Variants in ITPR1 observed in about 807,000 individuals in gnomAD.
ITPR1 encodes the protein inositol 1,4,5-trisphosphate-gated calcium channel ITPR1.
Under a neutral mutation model 318.4 loss-of-function variants are expected in ITPR1, and 96 were observed. That is an observed-to-expected ratio of 0.30 (90% CI 0.26 to 0.36). The LOEUF is 0.36. Ranked by LOEUF, ITPR1 falls within the 10% of genes least tolerant of loss-of-function variation. The pLI is 1.00. For missense variants in ITPR1, 2,440 were observed against 3,460.2 expected (o/e 0.71, Z 7.40); for synonymous variants, 1,312 against 1,289.9 (o/e 1.02, Z -0.37).
At chr3:4,708,986 G>A (rs142521644) in intron 37 of ITPR1, among the ~76,000 whole-genome samples, 141 of 152,278 alleles carry the variant, frequency 9.3e-4, no homozygotes, top group African/African-American at 3.2e-3. Context: ...CAATTGCAAT[G>A]TAAAGTTCAA....
intron 44 of ITPR1, among the ~76,000 whole-genome samples, chr3:4,754,052 G>C (rs1466009605): frequency 3.0e-5 from 4 of 131,984 alleles, no homozygotes; most frequent in East Asian, 2.1e-4. Flanking sequence ...AGAAAATGGG[G>C]GGGGGGTGGC....
intron 60 of ITPR1, chr3:4,825,657 G>C: frequency 2.2e-6 from 1 of 450,812 alleles, no homozygotes. Flanking sequence ...AGAAAGCAAC[G>C]TGTTAACAAG....
chr3:4,547,907 CT>C (rs2085183152), intron 4 of ITPR1, among the ~76,000 whole-genome samples: 1 of 152,042 alleles, frequency 6.6e-6, no homozygotes, highest in Non-Finnish European at 1.5e-5. Flanking sequence ...TTTTTTCACT[CT>C]GTTAAATTCA....
intron 5 of ITPR1, among the ~76,000 whole-genome samples, chr3:4,639,138 C>A (rs2093275886): frequency 6.6e-6 from 1 of 152,108 alleles, no homozygotes; most frequent in Non-Finnish European, 1.5e-5. Flanking sequence ...AAGCAAATAC[C>A]CATGAATTCC....
chr3:4,806,184 G>A lies in ITPR1; in HGVS notation c.7189G>A (p.Asp2397Asn). ...FTRGYRAMVL[D>N]VEFLYHLLYL... ...AAGAGGCTACCGAGCCATGGTTCTG[G>A]ATGTTGAGTTCCTCTATCATTTGTT... The change falls in exon 55 of 62, where the codon GAT (aspartate) becomes AAT (asparagine). Residue 2397 changes from aspartate to asparagine, a missense_variant. Physicochemically the swap from Asp to Asn is conservative, Grantham distance 23. This residue lies in a region of ITPR1 where 126 missense variants were observed against 150.8 expected (regional missense o/e 0.84). Transcript: ENST00000649015. The A allele has an allele frequency of 6.2e-7, 1 of 1,613,970 alleles. No individual in the cohort carries two copies. The highest frequency in any genetic ancestry group is 1.3e-5 in the African/African-American group (1 of 75,076).
At chr3:4,584,547 G>A (rs1402374951) in intron 4 of ITPR1, among the ~76,000 whole-genome samples, 1 of 112,562 alleles carries the variant, frequency 8.9e-6, no homozygotes, top group Non-Finnish European at 1.8e-5. Context: ...TCTTTGCCCA[G>A]AGAGTTAGTG....
intron 43 of ITPR1, among the ~76,000 whole-genome samples, chr3:4,734,015 G>A (rs1384926357): frequency 6.6e-6 from 1 of 152,240 alleles, no homozygotes; most frequent in African/African-American, 2.4e-5. Context: ...TGGGTTCCAT[G>A]TATAGCACAG....
intron 44 of ITPR1, among the ~76,000 whole-genome samples, chr3:4,761,958 A>G (rs895494233): frequency 2.0e-5 from 3 of 152,190 alleles, no homozygotes; most frequent in Non-Finnish European, 4.4e-5. Flanking sequence ...CAGAGGGGGC[A>G]GGTGAATGCC....
chr3:4,527,270 G>C (rs530729151), intron 4 of ITPR1, among the ~76,000 whole-genome samples: 11 of 152,254 alleles, frequency 7.2e-5, no homozygotes, highest in African/African-American at 2.6e-4. Flanking sequence ...TCGACCTTCT[G>C]GGTTCAAACC....
chr3:4,774,236 A>AT (rs2046351988), intron 46 of ITPR1, among the ~76,000 whole-genome samples: 1 of 152,258 alleles, frequency 6.6e-6, no homozygotes, highest in South Asian at 2.1e-4. Flanking sequence ...AATTTATAAT[A>AT]TTAAATGATG....
intron 4 of ITPR1, among the ~76,000 whole-genome samples, chr3:4,527,720 A>G (rs1208391371): frequency 1.3e-5 from 2 of 152,162 alleles, no homozygotes; most frequent in African/African-American, 2.4e-5. Context: ...GGAGAAGAGT[A>G]TGTTGCTTGG....
At position 4,717,497 on chromosome 3, in the gene ITPR1, G is replaced by T. The variant is rs969921090; in HGVS notation, c.5136+98G>T. 8 of 975,820 alleles carry T rather than the reference G, an allele frequency of 8.2e-6. No homozygotes were observed. The East Asian group carries it at 1.7e-4, about 20-fold the overall frequency. The allele number at this position is 975,820 out of a possible 1,614,324, so 60.4% of individuals were successfully genotyped here. On this transcript the variant is annotated intron_variant, in intron 40 of 61. Transcript: ENST00000649015. ...GTGATCCTTCCTCTAGTCTCACAGC[G>T]TCGAGTATCTGGCTTTGTGTGGTGT... is the stretch of plus-strand genomic sequence containing the variant.
At chr3:4,798,896 C>T (rs1426073487) in intron 53 of ITPR1, among the ~76,000 whole-genome samples, 1 of 152,188 alleles carries the variant, frequency 6.6e-6, no homozygotes. Flanking sequence ...GCTATAGGGA[C>T]TGACACTATT....
chr3:4,595,449 AC>A (rs2090731486), intron 4 of ITPR1, among the ~76,000 whole-genome samples: 1 of 152,142 alleles, frequency 6.6e-6, no homozygotes, highest in Non-Finnish European at 1.5e-5. Flanking sequence ...TGAAGGATCC[AC>A]CCCTGTGATC....
At chr3:4,842,996 G>A (rs918299348) in intron 61 of ITPR1, among the ~76,000 whole-genome samples, 1 of 151,728 alleles carries the variant, frequency 6.6e-6, no homozygotes, top group Admixed American at 6.6e-5. Flanking sequence ...GCACTAAGAG[G>A]CTGGAGAAAC....
At chr3:4,727,730 G>A (rs1248033652) in intron 42 of ITPR1, among the ~76,000 whole-genome samples, 1 of 152,008 alleles carries the variant, frequency 6.6e-6, no homozygotes, top group East Asian at 1.9e-4. Flanking sequence ...ACCACACCCG[G>A]CTAGTTTTCT....
intron 44 of ITPR1, among the ~76,000 whole-genome samples, chr3:4,751,991 A>G (rs995485367): frequency 6.6e-6 from 1 of 152,096 alleles, no homozygotes; most frequent in Non-Finnish European, 1.5e-5. Context: ...TCCTCTTTGA[A>G]ACTGTCAGAG....
chr3:4,499,938 T>A (rs1208683305), intron 2 of ITPR1, among the ~76,000 whole-genome samples: 1 of 152,148 alleles, frequency 6.6e-6, no homozygotes, highest in African/African-American at 2.4e-5. Context: ...TAAACTTTGC[T>A]TAGGTGGGTG....
At position 4,735,249 on chromosome 3, in the gene ITPR1, C is replaced by G. The variant is rs1575064634; in HGVS notation, c.5439C>G (p.Ser1813=). The part of the protein sequence containing the change: ...VQCHLDKEGA[S]NLVIDLIMNA... ...GTCACCTTGACAAGGAGGGGGCTTC[C>G]AATCTAGTTATCGACCTCATCATGA... Residue 1813 remains serine, a synonymous_variant, in exon 44 of 62, where the codon TCC becomes TCG. Transcript: ENST00000649015. 1 of 1,613,890 alleles carries G rather than the reference C, an allele frequency of 6.2e-7. No individual in the cohort carries two copies. Among genetic ancestry groups the G allele is most frequent in the East Asian group, 2.2e-5 (1 of 44,878 alleles).
Sources: gnomAD v4.1 joint callset for allele counts (sites outside exome capture counted in the v4.1 genomes callset) on GRCh38, gnomAD v4.1.1 for gene constraint, gnomAD v4.1.1 regional missense constraint, MANE v1.5 for transcripts, NCBI Gene and HGNC (gene_info 2026-07-23, HGNC 2026-07-21) for gene names.